PRKG1: variants seen among roughly 807,000 people sequenced by gnomAD.
PRKG1 encodes the protein cGMP-dependent protein kinase 1.
In PRKG1, 35 loss-of-function variants were observed where a neutral mutation model predicts 88.1. The ratio of observed to expected loss-of-function variants is 0.40; its 90% CI spans 0.30 to 0.53. The LOEUF (loss-of-function observed/expected upper bound fraction) is 0.53, where lower values mean the gene tolerates loss of function less well. PRKG1 is among the 20% of genes least tolerant of loss of function. The pLI is 0.59. For missense variants in PRKG1, 540 were observed against 839.8 expected (o/e 0.64, Z 4.41); for synonymous variants, 303 against 292.5 (o/e 1.04, Z -0.37).
chr10:51,121,170 C>T (rs1234449052), intron 1 of PRKG1, among the ~76,000 whole-genome samples: 3 of 152,136 alleles, frequency 2.0e-5, no homozygotes, highest in Admixed American at 6.6e-5. Flanking sequence ...ACTTGGATAA[C>T]CCAGAGCAAT....
At chr10:51,534,550 C>T (rs1216554339) in intron 3 of PRKG1, among the ~76,000 whole-genome samples, 1 of 51,844 alleles carries the variant, frequency 1.9e-5, no homozygotes, top group Non-Finnish European at 5.4e-5. Context: ...CTCCTGTAGT[C>T]CCAGCTACTC....
At chr10:51,309,174 A>G (rs1841116222) in intron 2 of PRKG1, among the ~76,000 whole-genome samples, 1 of 152,180 alleles carries the variant, frequency 6.6e-6, no homozygotes, top group Non-Finnish European at 1.5e-5. Flanking sequence ...GCATCAGAAA[A>G]CAAAGAACAG....
intron 9 of PRKG1, among the ~76,000 whole-genome samples, chr10:52,212,459 A>T (rs1840003334): frequency 6.6e-6 from 1 of 152,176 alleles, no homozygotes; most frequent in Non-Finnish European, 1.5e-5. Flanking sequence ...CTACCATCAC[A>T]AACTTTAACA....
At chr10:51,218,701 T>G (rs1259948292) in intron 2 of PRKG1, among the ~76,000 whole-genome samples, 1 of 151,682 alleles carries the variant, frequency 6.6e-6, no homozygotes, top group Non-Finnish European at 1.5e-5. Context: ...TTGTTCGTGT[T>G]AAGTGCTATG....
chr10:51,701,667 C>T (rs1195845319), intron 3 of PRKG1, among the ~76,000 whole-genome samples: 2 of 152,026 alleles, frequency 1.3e-5, no homozygotes, highest in Non-Finnish European at 2.9e-5. Context: ...GAAGGCATAC[C>T]TTTTTTATAC....
chr10:51,116,808 A>G (rs1296177461), intron 1 of PRKG1, among the ~76,000 whole-genome samples: 2 of 152,146 alleles, frequency 1.3e-5, no homozygotes, highest in Non-Finnish European at 2.9e-5. Context: ...AGCAATATTG[A>G]ACAGCGGGGG....
At chr10:51,137,960 GATA>G (rs1845727927) in intron 1 of PRKG1, among the ~76,000 whole-genome samples, 1 of 152,188 alleles carries the variant, frequency 6.6e-6, no homozygotes, top group Non-Finnish European at 1.5e-5. Flanking sequence ...TGTGACTGGG[GATA>G]ATAATAAGCT....
At chr10:51,299,573 G>T (rs748897403) in intron 2 of PRKG1, 2 of 472,882 alleles carry the variant, frequency 4.2e-6, no homozygotes, top group South Asian at 1.5e-5. Context: ...TATGTCTCTA[G>T]CCCTAGCTTG....
intron 4 of PRKG1, among the ~76,000 whole-genome samples, chr10:51,849,267 T>G (rs955059851): frequency 2.0e-5 from 3 of 152,172 alleles, no homozygotes; most frequent in African/African-American, 7.2e-5. Context: ...GAGTTTGAAT[T>G]TTATTTCTGC....
intron 3 of PRKG1, among the ~76,000 whole-genome samples, chr10:51,716,228 T>C (rs915272485): frequency 6.6e-6 from 1 of 152,182 alleles, no homozygotes; most frequent in African/African-American, 2.4e-5. Context: ...CCAAAAGCAA[T>C]TACATCTTTT....
At position 51,452,409 on chromosome 10, in the gene PRKG1, G is replaced by A. The variant is rs536186031; in HGVS notation, c.479-15314G>A. ...TGCTTTCAACTTTTCCCCATTCAGT[G>A]TGGTGTTGGCTGTGCGTTTGTCATA... On this transcript the variant is annotated intron_variant, in intron 2 of 17. Coordinates refer to ENST00000373980, the MANE Select transcript of PRKG1 (RefSeq NM_006258.4). 7.0e-4 allele frequency among the ~76,000 whole-genome samples: 107 copies of A among 151,990 alleles called. 1 individual carries two copies. The highest frequency in any genetic ancestry group is 2.5e-3 in the African/African-American group (102 of 41,518).
At chr10:51,357,592 C>T (rs151120350) in intron 2 of PRKG1, among the ~76,000 whole-genome samples, 9 of 151,970 alleles carry the variant, frequency 5.9e-5, no homozygotes, top group Admixed American at 2.0e-4. Context: ...AAACTATTGA[C>T]GAGAATAAAA....
intron 1 of PRKG1, among the ~76,000 whole-genome samples, chr10:51,023,119 T>C (rs182345640): frequency 6.6e-6 from 1 of 152,354 alleles, no homozygotes; most frequent in Admixed American, 6.5e-5. Flanking sequence ...TGGATTCTAA[T>C]ATGGGTGCTC....
intron 1 of PRKG1, among the ~76,000 whole-genome samples, chr10:51,041,665 C>G (rs1843425979): frequency 2.0e-5 from 3 of 152,136 alleles, no homozygotes; most frequent in Admixed American, 2.0e-4. Context: ...ACCTGGTGTC[C>G]TGTCCTACTG....
chr10:52,028,942 T>C (rs757049751), intron 5 of PRKG1, among the ~76,000 whole-genome samples: 1 of 152,194 alleles, frequency 6.6e-6, no homozygotes, highest in Non-Finnish European at 1.5e-5. Context: ...TTTAAAAAAA[T>C]ACTATTTCAC....
intron 5 of PRKG1, among the ~76,000 whole-genome samples, chr10:51,982,280 C>T (rs1844030000): frequency 6.6e-6 from 1 of 152,114 alleles, no homozygotes. Flanking sequence ...CAATGATGTT[C>T]ATTCCTATCC....
chr10:51,827,609 A>G (rs568916656), intron 4 of PRKG1, among the ~76,000 whole-genome samples: 6 of 152,238 alleles, frequency 3.9e-5, no homozygotes, highest in African/African-American at 1.4e-4. Context: ...TTTCTAGGGA[A>G]CTAAAATTGA....
At chr10:52,077,408 G>T (rs1047951239) in intron 7 of PRKG1, among the ~76,000 whole-genome samples, 1 of 152,082 alleles carries the variant, frequency 6.6e-6, no homozygotes, top group African/African-American at 2.4e-5. Flanking sequence ...TGTCACCATA[G>T]ATTAGTTGCC....
chr10:51,067,681 G>A (rs1310916413), intron 1 of PRKG1, among the ~76,000 whole-genome samples: 1 of 151,924 alleles, frequency 6.6e-6, no homozygotes, highest in East Asian at 1.9e-4. Context: ...TTAACTCTTT[G>A]AGTAAAAAAT....
Sources: gnomAD v4.1 joint callset for allele counts (sites outside exome capture counted in the v4.1 genomes callset) on GRCh38, gnomAD v4.1.1 for gene constraint, MANE v1.5 for transcripts, NCBI Gene and HGNC (gene_info 2026-07-23, HGNC 2026-07-21) for gene names.